Variants in IGSF11 observed in about 807,000 individuals in gnomAD.
IGSF11 encodes CXADR like 1.
A neutral mutation model predicts 41.0 loss-of-function variants in IGSF11; 22 were observed. The observed-to-expected ratio is 0.54, with a 90% CI of 0.38 to 0.77. The LOEUF (loss-of-function observed/expected upper bound fraction) is 0.77, where lower values mean the gene tolerates loss of function less well. Among genes scored for constraint, IGSF11 ranks in the 30% least tolerant of loss-of-function variants. The pLI, the probability that IGSF11 is intolerant of heterozygous loss-of-function variation, is 0.00. For missense variants in IGSF11, 444 were observed against 530.8 expected (o/e 0.84, Z 1.61); for synonymous variants, 219 against 201.3 (o/e 1.09, Z -0.74).
At chr3:119,078,920 T>G (rs1478090317) in intron 1 of IGSF11, among the ~76,000 whole-genome samples, 1 of 151,902 alleles carries the variant, frequency 6.6e-6, no homozygotes, top group Non-Finnish European at 1.5e-5. Context: ...AGAACAGAAG[T>G]GAACGGACAT....
intron 1 of IGSF11, among the ~76,000 whole-genome samples, chr3:118,973,091 T>C (rs1933637424): frequency 6.6e-6 from 1 of 152,212 alleles, no homozygotes; most frequent in African/African-American, 2.4e-5. Flanking sequence ...TCCCACTGTT[T>C]TGTTCTCTCT....
chr3:119,142,013 C>T (rs1484355044), intron 1 of IGSF11, among the ~76,000 whole-genome samples: 21 of 151,992 alleles, frequency 1.4e-4, no homozygotes, highest in Admixed American at 1.4e-3. Context: ...CGGTGGCTCA[C>T]GCTTGTAATC....
intron 6 of IGSF11, among the ~76,000 whole-genome samples, chr3:118,904,187 T>C (rs928681763): frequency 7.2e-5 from 11 of 152,204 alleles, no homozygotes; most frequent in Non-Finnish European, 1.3e-4. Context: ...GATGTTGGCA[T>C]TGTTTTCTTA....
At chr3:118,944,457 T>TAC (rs3079206) in intron 1 of IGSF11, among the ~76,000 whole-genome samples, 2,020 of 125,774 alleles carry the variant, frequency 0.016, 20 homozygotes, top group South Asian at 0.032. Context: ...TAGCTTGAAA[T>TAC]ACACACACAC....
intron 1 of IGSF11, among the ~76,000 whole-genome samples, chr3:119,072,435 C>G (rs1290541568): frequency 3.9e-5 from 6 of 152,190 alleles, no homozygotes; most frequent in Admixed American, 3.9e-4. Context: ...TTGGTGGGTT[C>G]TTGGTCTCAC....
At chr3:119,009,116 G>C (rs1463545602) in intron 1 of IGSF11, among the ~76,000 whole-genome samples, 1 of 152,010 alleles carries the variant, frequency 6.6e-6, no homozygotes, top group East Asian at 1.9e-4. Context: ...CACCATCTGA[G>C]CATGAAAAAG....
intron 1 of IGSF11, among the ~76,000 whole-genome samples, chr3:118,975,779 A>C (rs567175430): frequency 1.3e-5 from 2 of 152,328 alleles, no homozygotes; most frequent in African/African-American, 4.8e-5. Context: ...ATAAAACCAC[A>C]TATTGCATGT....
intron 1 of IGSF11, among the ~76,000 whole-genome samples, chr3:119,025,927 A>G (rs1186196338): frequency 1.3e-5 from 2 of 152,196 alleles, no homozygotes; most frequent in Admixed American, 1.3e-4. Context: ...ATGAAATACT[A>G]AACTTCCATT....
intron 1 of IGSF11, among the ~76,000 whole-genome samples, chr3:119,091,428 G>A (rs542225492): frequency 1.5e-3 from 226 of 152,200 alleles, no homozygotes; most frequent in African/African-American, 5.1e-3. Context: ...TGTGCTATTC[G>A]AAATTGCAAA....
At chr3:119,016,179 G>C (rs141685433) in intron 1 of IGSF11, among the ~76,000 whole-genome samples, 5,777 of 152,262 alleles carry the variant, frequency 0.038, 180 homozygotes, top group Non-Finnish European at 0.049. Flanking sequence ...TGTCACACTG[G>C]GCTGTGGGGC....
chr3:118,933,024 C>T lies in IGSF11; in HGVS notation c.53-2749G>A, dbSNP rs979336281. Among the ~76,000 whole-genome samples, 5 of 152,298 alleles carry T rather than the reference C, an allele frequency of 3.3e-5. 1 individual carries two copies. Among genetic ancestry groups the T allele is most frequent in the East Asian group, 1.9e-4 (1 of 5,184 alleles). Reference sequence around the variant, plus strand: ...GAGCTGTGTGGGACAGGGCTGGAAGCCAGGAAGGCAACAGGACGGTTGGCA... The same window carrying T: ...GAGCTGTGTGGGACAGGGCTGGAAGTCAGGAAGGCAACAGGACGGTTGGCA... On this transcript the variant is annotated intron_variant, in intron 1 of 6. Coordinates refer to ENST00000393775, the MANE Select transcript of IGSF11 (RefSeq NM_001015887.3).
chr3:118,916,745 C>A (rs889679582), intron 4 of IGSF11, among the ~76,000 whole-genome samples: 4 of 152,008 alleles, frequency 2.6e-5, no homozygotes, highest in African/African-American at 9.7e-5. Flanking sequence ...CTCAGCTCTG[C>A]ACCAAGTGGA....
rs1366610309 is a variant in IGSF11 at position 119,111,410 on chromosome 3, C to T, written c.-13-6205G>A. ...GCTCCTGAGGCTTCTGCATTCTTCA[C>T]GTAGTTCTTGAGCCTCGGCTTTCAG... On this transcript the variant is annotated intron_variant, in intron 1 of 7. Transcript: ENST00000425327. 3.9e-5 allele frequency among the ~76,000 whole-genome samples: 6 copies of T among 152,194 alleles called. 1 individual carries two copies. Among genetic ancestry groups the T allele is most frequent in the South Asian group, 4.1e-4 (2 of 4,832 alleles).
intron 1 of IGSF11, among the ~76,000 whole-genome samples, chr3:119,001,020 G>A (rs1050799901): frequency 2.6e-4 from 40 of 152,062 alleles, no homozygotes; most frequent in Admixed American, 2.6e-3. Flanking sequence ...CTCCAGCAGT[G>A]TTTTTGCTGT....
At chr3:119,041,388 C>T (rs1302052770) in intron 1 of IGSF11, among the ~76,000 whole-genome samples, 1 of 152,092 alleles carries the variant, frequency 6.6e-6, no homozygotes, top group African/African-American at 2.4e-5. Flanking sequence ...TTGAGACCAG[C>T]CTGGCCAACA....
chr3:119,021,950 A>G lies in IGSF11; in HGVS notation c.52+12581T>C, dbSNP rs369493796. 6.6e-5 allele frequency among the ~76,000 whole-genome samples: 10 copies of G among 152,350 alleles called. No individual in the cohort carries two copies. The East Asian group carries it at 1.7e-3, about 26-fold the overall frequency. On this transcript the variant is annotated intron_variant, in intron 1 of 6. Transcript: ENST00000393775. ...ACAATAATGTGCCAGTACTTCCACA[A>G]ACATGTTTTTTAAACCCACTGAAAC...
chr3:118,993,728 TTATA>T (rs1337777111), intron 1 of IGSF11, among the ~76,000 whole-genome samples: 1 of 152,032 alleles, frequency 6.6e-6, no homozygotes, highest in Non-Finnish European at 1.5e-5. Context: ...CTTGAAAACA[TTATA>T]TAAAGTGAAA....
At chr3:119,116,870 C>T (rs773207436) in intron 1 of IGSF11, among the ~76,000 whole-genome samples, 5 of 152,146 alleles carry the variant, frequency 3.3e-5, no homozygotes, top group Admixed American at 6.5e-5. Flanking sequence ...GACAACCCCA[C>T]TCCTGTAGCC....
upstream of IGSF11, among the ~76,000 whole-genome samples, chr3:119,109,986 T>G (rs972242352): frequency 3.3e-5 from 5 of 152,230 alleles, no homozygotes; most frequent in African/African-American, 1.2e-4. Flanking sequence ...CTGTCACATT[T>G]GTTGAGGAGA....
Sources: allele counts gnomAD v4.1 joint callset (sites outside exome capture counted in the v4.1 genomes callset), GRCh38; gene constraint gnomAD v4.1.1; transcripts MANE v1.5; gene names NCBI Gene and HGNC (gene_info 2026-07-23, HGNC 2026-07-21).